The following OR4N2 variants were observed in gnomAD, a reference collection of about 807,000 sequenced individuals.
OR4N2 encodes the protein olfactory receptor family 4 subfamily N member 2, also known as olfactory receptor 4N2.
For missense variants in OR4N2, 307 were observed against 377.6 expected, an observed-to-expected ratio of 0.81 and a Z score of 1.55; for synonymous variants, 141 against 140.4, an observed-to-expected ratio of 1.00 and a Z score of -0.03.
At chr14:19,809,799 T>G (rs1369436421) in intron 1 of OR4N2, among the ~76,000 whole-genome samples, 1 of 152,252 alleles carries the variant, frequency 6.6e-6, no homozygotes, top group African/African-American at 2.4e-5. Context: ...GCAAGCCACA[T>G]GCAAAAGACT....
chr14:19,813,270 T>C (rs559975744), intron 1 of OR4N2, among the ~76,000 whole-genome samples: 152 of 152,378 alleles, frequency 1.0e-3, no homozygotes, highest in African/African-American at 3.6e-3. Flanking sequence ...TCTGTGCAGC[T>C]CTCTTTATCA....
chr14:19,816,099 C>T (rs1183148235), intron 1 of OR4N2, among the ~76,000 whole-genome samples: 4 of 152,090 alleles, frequency 2.6e-5, no homozygotes, highest in Non-Finnish European at 5.9e-5. Context: ...TTGGTTACTG[C>T]GGCCTTGTAG....
At chr14:19,818,910 G>T (rs1246979957) in intron 1 of OR4N2, among the ~76,000 whole-genome samples, 1 of 152,230 alleles carries the variant, frequency 6.6e-6, no homozygotes, top group Non-Finnish European at 1.5e-5. Flanking sequence ...TTTCTTATCT[G>T]TAAAGGATTT....
chr14:19,814,619 G>A (rs1173875041), intron 1 of OR4N2, among the ~76,000 whole-genome samples: 2 of 152,240 alleles, frequency 1.3e-5, no homozygotes, highest in African/African-American at 4.8e-5. Context: ...CAACTGCCAT[G>A]TTGAGCCATG....
chr14:19,809,083 A>T (rs1274470713), intron 1 of OR4N2, among the ~76,000 whole-genome samples: 1 of 152,144 alleles, frequency 6.6e-6, no homozygotes, highest in Non-Finnish European at 1.5e-5. Flanking sequence ...GCCTAAGAAC[A>T]TTCAACCAAG....
At chr14:19,821,400 G>C (rs7145923) in intron 1 of OR4N2, among the ~76,000 whole-genome samples, 41,954 of 148,556 alleles carry the variant, frequency 0.28, 2,939 homozygotes, top group African/African-American at 0.32. Flanking sequence ...GCCAGCCACC[G>C]TCTAAAGTTT....
chr14:19,815,961 T>TTTCCCATTGCTTGC (rs1274910535), intron 1 of OR4N2, among the ~76,000 whole-genome samples: 8 of 152,374 alleles, frequency 5.3e-5, no homozygotes, highest in African/African-American at 1.9e-4. Context: ...AGGGAATCCT[T>TTTCCCATTGCTTGC]TTCCCATTGC....
At chr14:19,810,436 C>A (rs1879268068) in intron 1 of OR4N2, among the ~76,000 whole-genome samples, 1 of 152,226 alleles carries the variant, frequency 6.6e-6, no homozygotes, top group Non-Finnish European at 1.5e-5. Context: ...ATGGCAATTT[C>A]TCAAAGAACT....
chr14:19,813,509 A>G (rs1330950265), intron 1 of OR4N2, among the ~76,000 whole-genome samples: 1 of 152,284 alleles, frequency 6.6e-6, no homozygotes, highest in African/African-American at 2.4e-5. Flanking sequence ...CCACTGCAGT[A>G]GATTTTTCCT....
intron 1 of OR4N2, among the ~76,000 whole-genome samples, chr14:19,813,055 A>C (rs1879341017): frequency 6.6e-6 from 1 of 152,226 alleles, no homozygotes; most frequent in Admixed American, 6.5e-5. Flanking sequence ...TTTGAGGACT[A>C]TTTTAGATCT....
intron 1 of OR4N2, among the ~76,000 whole-genome samples, chr14:19,812,309 TTTTTC>T (rs1342345066): frequency 3.2e-5 from 4 of 126,816 alleles, no homozygotes; most frequent in African/African-American, 1.2e-4. Flanking sequence ...TTTCTTTTTT[TTTTTC>T]TTTTCTTTTC....
intron 1 of OR4N2, among the ~76,000 whole-genome samples, chr14:19,820,446 A>G (rs1879536126): frequency 6.6e-6 from 1 of 152,246 alleles, no homozygotes; most frequent in South Asian, 2.1e-4. Context: ...TCCTCTAAAC[A>G]CTGCATTAGC....
At chr14:19,809,045 T>C (rs1044793418) in intron 1 of OR4N2, among the ~76,000 whole-genome samples, 5 of 152,156 alleles carry the variant, frequency 3.3e-5, no homozygotes, top group African/African-American at 9.6e-5. Context: ...AAGCCCCTAC[T>C]GAGGAAAGTT....
chr14:19,822,583 C>G (rs1413456939), intron 1 of OR4N2: 26 of 152,348 alleles, frequency 1.7e-4, no homozygotes, highest in Non-Finnish European at 5.9e-5. Context: ...GAAGGCATTA[C>G]TGACCCTCCA....
chr14:19,812,900 A>T lies in OR4N2; in HGVS notation c.-10+9056A>T, dbSNP rs140773249. Among the ~76,000 whole-genome samples the T allele has an allele frequency of 2.3e-3, 351 of 152,352 alleles. 1 individual carries two copies. Among genetic ancestry groups the T allele is most frequent in the African/African-American group, 7.9e-3 (328 of 41,576 alleles). ...TGTTGGATAAAAACAATATTATTGA[A>T]TATATACATGTCAATGCATAAATTG... On this transcript the variant is annotated intron_variant, in intron 1 of 1. Transcript: ENST00000557677.
At chr14:19,804,132 T>C (rs1879096168) in intron 1 of OR4N2, among the ~76,000 whole-genome samples, 1 of 152,234 alleles carries the variant, frequency 6.6e-6, no homozygotes, top group Admixed American at 6.5e-5. Flanking sequence ...ATCTGATGTG[T>C]TATTCTGAAG....
chr14:19,818,288 A>G (rs1780874), intron 1 of OR4N2, among the ~76,000 whole-genome samples: 96,033 of 150,430 alleles, frequency 0.64, 25,531 homozygotes, highest in East Asian at 0.71. Context: ...GGGTGTTAAA[A>G]TCTCCCACTA....
At chr14:19,822,845 G>A (rs1879600287) in intron 1 of OR4N2, among the ~76,000 whole-genome samples, 1 of 152,260 alleles carries the variant, frequency 6.6e-6, no homozygotes, top group Non-Finnish European at 1.5e-5. Context: ...CTATTTGGTA[G>A]ATGACAACTC....
intron 1 of OR4N2, among the ~76,000 whole-genome samples, chr14:19,825,780 G>A (rs1237093806): frequency 5.3e-5 from 8 of 152,016 alleles, no homozygotes; most frequent in South Asian, 2.1e-4. Flanking sequence ...AGATGTTCTC[G>A]ATCTCCTGAG....
Sources: gnomAD v4.1 joint callset for allele counts (sites outside exome capture counted in the v4.1 genomes callset) on GRCh38, gnomAD v4.1.1 for gene constraint, MANE v1.5 for transcripts, NCBI Gene and HGNC (gene_info 2026-07-23, HGNC 2026-07-21) for gene names.